MARCHF3: variants seen among roughly 807,000 people sequenced by gnomAD.
MARCHF3 encodes the protein membrane associated ring-CH-type finger 3.
In MARCHF3, 13 loss-of-function variants were observed where a neutral mutation model predicts 24.2. The observed-to-expected ratio is 0.54, with a 90% CI of 0.35 to 0.85. The LOEUF (loss-of-function observed/expected upper bound fraction) is 0.85, where lower values mean the gene tolerates loss of function less well. Ranked by LOEUF, MARCHF3 falls within the 40% of genes least tolerant of loss-of-function variation. The pLI is 0.01. For missense variants in MARCHF3, 276 were observed against 325.0 expected (o/e 0.85, Z 1.16); for synonymous variants, 144 against 137.3 (o/e 1.05, Z -0.34).
intron 1 of MARCHF3, among the ~76,000 whole-genome samples, chr5:126,972,236 T>G (rs1267337954): frequency 7.9e-6 from 1 of 126,724 alleles, no homozygotes; most frequent in African/African-American, 3.1e-5. Flanking sequence ...CTGCTTAAAA[T>G]TAAAGAACTA....
chr5:126,965,306 C>T (rs1750769925), intron 1 of MARCHF3, among the ~76,000 whole-genome samples: 1 of 152,186 alleles, frequency 6.6e-6, no homozygotes, highest in South Asian at 2.1e-4. Flanking sequence ...TCACACTGGT[C>T]TGACCACTTC....
At chr5:127,013,347 A>T (rs1405394201) in intron 1 of MARCHF3, among the ~76,000 whole-genome samples, 4 of 152,220 alleles carry the variant, frequency 2.6e-5, no homozygotes, top group South Asian at 2.1e-4. Context: ...AGGAAAAGAA[A>T]AGCTTCCGTT....
At position 126,869,940 on chromosome 5, in the gene MARCHF3, C is replaced by G. The variant is rs777429590; in HGVS notation, c.*693G>C. On this transcript the variant is annotated 3_prime_UTR_variant, in exon 5 of 5. Coordinates refer to ENST00000308660, the MANE Select transcript of MARCHF3 (RefSeq NM_178450.5). ...TACCAAACAAGTTGAAAGGAGCGAG[C>G]TTCTCACCATATTTTTTTTTCTCCT... The G allele has an allele frequency of 2.6e-5, 4 of 152,422 alleles. No individual in the cohort carries two copies. Among genetic ancestry groups the G allele is most frequent in the Non-Finnish European group, 5.9e-5 (4 of 68,002 alleles). 9.4% of individuals were successfully genotyped at this position (152,422 alleles called of 1,614,324 possible).
At chr5:126,973,054 GTTCT>G (rs942078560) in intron 1 of MARCHF3, among the ~76,000 whole-genome samples, 5 of 152,178 alleles carry the variant, frequency 3.3e-5, no homozygotes, top group Middle Eastern at 3.4e-3. Context: ...TTCTCCCCAG[GTTCT>G]TTATTTATTT....
intron 1 of MARCHF3, among the ~76,000 whole-genome samples, chr5:126,978,941 C>T (rs993828507): frequency 1.3e-5 from 2 of 152,320 alleles, no homozygotes; most frequent in South Asian, 2.1e-4. Flanking sequence ...GAAGACTCCA[C>T]TCCAGATGTC....
chr5:126,966,240 T>C (rs988641793), intron 1 of MARCHF3, among the ~76,000 whole-genome samples: 1 of 152,130 alleles, frequency 6.6e-6, no homozygotes, highest in Non-Finnish European at 1.5e-5. Context: ...GAGGTGGAAA[T>C]GTTTTATATA....
intron 1 of MARCHF3, among the ~76,000 whole-genome samples, chr5:126,994,066 G>A (rs945464418): frequency 2.0e-5 from 3 of 152,148 alleles, no homozygotes; most frequent in Admixed American, 6.5e-5. Flanking sequence ...AATGGTATAC[G>A]CATGCTTATA....
At chr5:127,026,427 G>A (rs542586347) in intron 1 of MARCHF3, among the ~76,000 whole-genome samples, 4 of 152,264 alleles carry the variant, frequency 2.6e-5, no homozygotes, top group African/African-American at 9.6e-5. Flanking sequence ...TTGTAATCTG[G>A]GACTTTTAGC....
intron 3 of MARCHF3, among the ~76,000 whole-genome samples, chr5:126,893,056 G>C (rs527551356): frequency 1.2e-3 from 184 of 152,020 alleles, no homozygotes; most frequent in African/African-American, 4.3e-3. Flanking sequence ...ATTTCTTCTA[G>C]ATTTTCTAGT....
chr5:126,876,610 C>T (rs1753166839), intron 4 of MARCHF3, among the ~76,000 whole-genome samples: 2 of 151,906 alleles, frequency 1.3e-5, no homozygotes, highest in African/African-American at 2.4e-5. Flanking sequence ...GGAACAGCTT[C>T]GTTGCCTGAT....
Position 126,869,240 on chromosome 5 carries a change from TG to T in MARCHF3, c.*1392del, listed in dbSNP as rs1752877871. Reference sequence around the variant, plus strand: ...AGATGCTGGAGTGATACTCAGAATGTGGGTCATGTTCTAGAATTCCATATTT... The same window carrying T: ...AGATGCTGGAGTGATACTCAGAATGTGGTCATGTTCTAGAATTCCATATTT... On this transcript the variant is annotated 3_prime_UTR_variant, in exon 5 of 5. Coordinates refer to ENST00000308660, the MANE Select transcript of MARCHF3 (RefSeq NM_178450.5). 6.6e-6 allele frequency: 1 copy of T among 152,206 alleles called. No homozygotes were observed. The highest frequency in any genetic ancestry group is 1.5e-5 in the Non-Finnish European group (1 of 68,044). 9.4% of individuals were successfully genotyped at this position (152,206 alleles called of 1,614,324 possible). A position where few individuals can be genotyped will look rare whatever the true frequency, so the allele number is the denominator to read the frequency against.
intron 3 of MARCHF3, among the ~76,000 whole-genome samples, chr5:126,903,410 G>T (rs930022264): frequency 6.6e-6 from 1 of 152,028 alleles, no homozygotes; most frequent in Non-Finnish European, 1.5e-5. Flanking sequence ...ACTAGGCTGC[G>T]TTCATGGGTT....
intron 1 of MARCHF3, among the ~76,000 whole-genome samples, chr5:126,936,245 A>T (rs966585668): frequency 2.0e-5 from 3 of 152,166 alleles, no homozygotes; most frequent in Non-Finnish European, 4.4e-5. Flanking sequence ...GAGCCTTTTT[A>T]AAAAAGGAAT....
At chr5:126,923,877 C>T (rs766926609) in intron 1 of MARCHF3, among the ~76,000 whole-genome samples, 3 of 152,152 alleles carry the variant, frequency 2.0e-5, no homozygotes, top group Non-Finnish European at 4.4e-5. Flanking sequence ...GTTACCTCTA[C>T]AACCAGAGTT....
At chr5:126,887,739 T>A (rs573218464) in intron 3 of MARCHF3, among the ~76,000 whole-genome samples, 1 of 152,270 alleles carries the variant, frequency 6.6e-6, no homozygotes, top group African/African-American at 2.4e-5. Context: ...CTCAGAGCCT[T>A]ACAGTGGCCG....
intron 3 of MARCHF3, among the ~76,000 whole-genome samples, chr5:126,887,254 A>G (rs567781538): frequency 7.0e-4 from 106 of 150,642 alleles, no homozygotes; most frequent in African/African-American, 2.4e-3. Context: ...TTTGAATGGG[A>G]AAAAAAAAAT....
In MARCHF3 at chr5:126,900,709, T is replaced by C. The variant is rs548796031; in HGVS notation, c.393+14221A>G. 8.6e-5 allele frequency among the ~76,000 whole-genome samples: 13 copies of C among 151,856 alleles called. 1 individual carries two copies. The highest frequency in any genetic ancestry group is 2.7e-4 in the African/African-American group (11 of 41,386). ...AGACCTGGATTCTTCTTTAATTTTT[T>C]TTTTTTTTTTGAGATGGAGTCTCAC... On this transcript the variant is annotated intron_variant, in intron 3 of 4. Coordinates refer to ENST00000308660, the MANE Select transcript of MARCHF3 (RefSeq NM_178450.5).
At chr5:126,932,356 A>C (rs1346062663) in intron 1 of MARCHF3, among the ~76,000 whole-genome samples, 1 of 152,244 alleles carries the variant, frequency 6.6e-6, no homozygotes, top group African/African-American at 2.4e-5. Flanking sequence ...ACTTCCTCGC[A>C]GTCATTATAA....
chr5:126,954,080 C>T (rs1476126137), intron 1 of MARCHF3, among the ~76,000 whole-genome samples: 2 of 151,690 alleles, frequency 1.3e-5, no homozygotes, highest in African/African-American at 2.4e-5. Flanking sequence ...GGAGTCTCAC[C>T]CTGTCGCCCA....
Sources: gnomAD v4.1 joint callset for allele counts (sites outside exome capture counted in the v4.1 genomes callset) on GRCh38, gnomAD v4.1.1 for gene constraint, MANE v1.5 for transcripts, NCBI Gene and HGNC (gene_info 2026-07-23, HGNC 2026-07-21) for gene names.